The following ZNF678 variants were observed in gnomAD, a reference collection of about 807,000 sequenced individuals.
The protein encoded by ZNF678 is zinc finger protein 678.
ZNF678 carries 5 observed loss-of-function variants against 3.0 expected under a neutral mutation model. The observed-to-expected ratio is 1.69, with a 90% CI of 0.88 to 3.56. The LOEUF (loss-of-function observed/expected upper bound fraction) is 3.56, where lower values mean the gene tolerates loss of function less well. Ranked by LOEUF, ZNF678 falls within the 30% of genes most tolerant of loss-of-function variation. The pLI, the probability that ZNF678 is intolerant of heterozygous loss-of-function variation, is 0.00. For missense variants in ZNF678, 593 were observed against 605.0 expected, an observed-to-expected ratio of 0.98 and a Z score of 0.21; for synonymous variants, 218 against 199.6, an observed-to-expected ratio of 1.09 and a Z score of -0.78.
intron 1 of ZNF678, among the ~76,000 whole-genome samples, chr1:227,616,442 A>G (rs560613406): frequency 6.6e-6 from 1 of 152,272 alleles, no homozygotes; most frequent in South Asian, 2.1e-4. Context: ...CTGTGCCAGA[A>G]TTTTTCCCCA....
intron 5 of ZNF678, among the ~76,000 whole-genome samples, chr1:227,671,003 G>A (rs1276170779): frequency 7.4e-6 from 1 of 135,632 alleles, no homozygotes; most frequent in Admixed American, 7.5e-5. Context: ...TTTCATATTT[G>A]TAGATGTCTC....
chr1:227,673,404 T>C (rs759582228), intron 5 of ZNF678, among the ~76,000 whole-genome samples: 1 of 152,216 alleles, frequency 6.6e-6, no homozygotes, highest in African/African-American at 2.4e-5. Context: ...GAGCTTCCTT[T>C]GCATTTATGG....
At chr1:227,568,109 C>T (rs368260579) in intron 1 of ZNF678, among the ~76,000 whole-genome samples, 2 of 152,112 alleles carry the variant, frequency 1.3e-5, no homozygotes, top group South Asian at 4.1e-4. Context: ...TGTCAAAGTT[C>T]AGGGGCCTGT....
chr1:227,570,180 G>C (rs1656800873), intron 1 of ZNF678, among the ~76,000 whole-genome samples: 1 of 152,192 alleles, frequency 6.6e-6, no homozygotes, highest in Admixed American at 6.5e-5. Context: ...CCAGATGCGT[G>C]GATGAGTGTG....
intron 1 of ZNF678, among the ~76,000 whole-genome samples, chr1:227,612,219 GC>G (rs1658038315): frequency 6.6e-6 from 1 of 152,158 alleles, no homozygotes; most frequent in South Asian, 2.1e-4. Context: ...CACTCAGTAT[GC>G]AGAACTGATG....
At chr1:227,626,474 C>T (rs919873257) in intron 1 of ZNF678, among the ~76,000 whole-genome samples, 14 of 152,130 alleles carry the variant, frequency 9.2e-5, no homozygotes, top group African/African-American at 1.9e-4. Context: ...AATTCCTTTC[C>T]CTCCTCTCAG....
chr1:227,644,020 C>T (rs919161377), intron 1 of ZNF678, among the ~76,000 whole-genome samples: 1 of 151,830 alleles, frequency 6.6e-6, no homozygotes, highest in South Asian at 2.1e-4. Flanking sequence ...GCCACCATGA[C>T]GCCCAGCTAA....
intron 1 of ZNF678, among the ~76,000 whole-genome samples, chr1:227,644,930 T>TGA (rs1174866086): frequency 2.0e-5 from 3 of 152,208 alleles, no homozygotes; most frequent in African/African-American, 7.2e-5. Context: ...GATACATTTG[T>TGA]GAGAGTTGAG....
intron 1 of ZNF678, among the ~76,000 whole-genome samples, chr1:227,587,864 G>T (rs1657302633): frequency 1.4e-5 from 2 of 140,002 alleles, no homozygotes; most frequent in Admixed American, 1.5e-4. Flanking sequence ...AGGGGTACAT[G>T]TGCAGGATGT....
At chr1:227,575,033 C>G (rs1024148914) in intron 1 of ZNF678, among the ~76,000 whole-genome samples, 1 of 151,950 alleles carries the variant, frequency 6.6e-6, no homozygotes, top group South Asian at 2.1e-4. Context: ...TCAGGTTTGT[C>G]GAAGATCAAA....
In ZNF678 at chr1:227,661,006, G is replaced by A. The variant is rs771609469; in HGVS notation, c.*5178G>A. ...CATCTTTCTCAGAATCTAGGAGGAT[G>A]CATCTGTACCTAGAGGAGGACACAA... On this transcript the variant is annotated 3_prime_UTR_variant, in exon 4 of 4. Transcript: ENST00000343776. The A allele has an allele frequency of 1.3e-5, 2 of 152,136 alleles. No individual in the cohort carries two copies. The highest frequency in any genetic ancestry group is 2.9e-5 in the Non-Finnish European group (2 of 68,028). The allele number at this position is 152,136 out of a possible 1,614,324, so 9.4% of individuals were successfully genotyped here.
chr1:227,599,215 T>G (rs1657672044), intron 1 of ZNF678: 13 of 856,068 alleles, frequency 1.5e-5, no homozygotes, highest in Non-Finnish European at 2.2e-5. Flanking sequence ...TTCAGGTTTT[T>G]GTTTTTGTTT....
intron 1 of ZNF678, among the ~76,000 whole-genome samples, chr1:227,641,551 T>A (rs1658821520): frequency 6.6e-6 from 1 of 152,202 alleles, no homozygotes; most frequent in African/African-American, 2.4e-5. Flanking sequence ...AATTTTGTTT[T>A]TAGTTGCTTT....
At chr1:227,565,239 T>A (rs1656644702) in intron 1 of ZNF678, among the ~76,000 whole-genome samples, 1 of 151,950 alleles carries the variant, frequency 6.6e-6, no homozygotes. Flanking sequence ...CTAATTTTTG[T>A]ATTTATAGTA....
intron 1 of ZNF678, among the ~76,000 whole-genome samples, chr1:227,564,317 T>G (rs935996354): frequency 6.6e-6 from 1 of 152,232 alleles, no homozygotes; most frequent in African/African-American, 2.4e-5. Context: ...GTTTTGTGAT[T>G]GGTTGAACTT....
intron 1 of ZNF678, among the ~76,000 whole-genome samples, chr1:227,613,123 T>C (rs1026354063): frequency 1.3e-5 from 2 of 152,202 alleles, no homozygotes; most frequent in African/African-American, 4.8e-5. Flanking sequence ...AGCCTCCCTT[T>C]GGACTCCTTC....
chr1:227,652,055 A>G (rs1190221952), intron 3 of ZNF678, among the ~76,000 whole-genome samples: 1 of 152,170 alleles, frequency 6.6e-6, no homozygotes, highest in African/African-American at 2.4e-5. Context: ...ATAAACATAT[A>G]TATTTGGGAA....
intron 2 of ZNF678, among the ~76,000 whole-genome samples, chr1:227,647,576 T>G (rs969790604): frequency 2.0e-4 from 30 of 152,158 alleles, no homozygotes; most frequent in African/African-American, 7.2e-4. Flanking sequence ...ATGACACAGG[T>G]TAGAGGCCCA....
intron 1 of ZNF678, among the ~76,000 whole-genome samples, chr1:227,568,389 C>T (rs1399563958): frequency 6.8e-6 from 1 of 146,268 alleles, no homozygotes; most frequent in Non-Finnish European, 1.5e-5. Context: ...CAATCCGTGT[C>T]TGGCTTTGTA....
Sources: allele counts gnomAD v4.1 joint callset (sites outside exome capture counted in the v4.1 genomes callset), GRCh38; gene constraint gnomAD v4.1.1; transcripts MANE v1.5; gene names NCBI Gene and HGNC (gene_info 2026-07-23, HGNC 2026-07-21).